Variants in DHX8 observed in about 807,000 individuals in gnomAD.
The protein encoded by DHX8 is DEAH-box helicase 8, also known as ATP-dependent RNA helicase DHX8.
DHX8 carries 67 observed loss-of-function variants against 140.7 expected under a neutral mutation model. The ratio of observed to expected loss-of-function variants is 0.48; its 90% CI spans 0.39 to 0.58. DHX8 has a LOEUF of 0.58. Ranked by LOEUF, DHX8 falls within the 20% of genes least tolerant of loss-of-function variation. The pLI, the probability that DHX8 is intolerant of heterozygous loss-of-function variation, is 0.00. For missense variants in DHX8, 887 were observed against 1,550.7 expected, an observed-to-expected ratio of 0.57 and a Z score of 7.19; for synonymous variants, 533 against 553.2, an observed-to-expected ratio of 0.96 and a Z score of 0.51.
Position 43,483,998 on chromosome 17 carries a change from C to T in DHX8, c.-40C>T, listed in dbSNP as rs1267141330. 1 of 1,611,188 alleles carries T rather than the reference C, an allele frequency of 6.2e-7. No individual in the cohort carries two copies. On this transcript the variant is annotated 5_prime_UTR_variant, in exon 1 of 23. Coordinates refer to ENST00000262415, the MANE Select transcript of DHX8 (RefSeq NM_004941.3). ...GGAACCCGGCCGGAGTAGCTCTGAG[C>T]GCCGGCTGTGAGGAAGGAGGTTCTG...
intron 16 of DHX8, among the ~76,000 whole-genome samples, chr17:43,511,147 T>C (rs771341986): frequency 2.6e-4 from 40 of 152,040 alleles, no homozygotes; most frequent in Admixed American, 4.6e-4. Context: ...CTGGCTGATA[T>C]GGTGAAACCC....
At position 43,507,005 on chromosome 17, in the gene DHX8, C is replaced by T. The variant is rs746967894; in HGVS notation, c.1731C>T (p.Ala577=). The T allele has an allele frequency of 2.2e-5, 35 of 1,577,214 alleles. No homozygotes were observed. The highest frequency in any genetic ancestry group is 2.3e-5 in the East Asian group (1 of 44,142). Residue 577 remains alanine (A), a splice_region_variant and synonymous_variant, in exon 13 of 23, where the codon GCC becomes GCT. Transcript: ENST00000262415. ...TATTTATATTCTGTTGCTTTCAGGC[C>T]GTCCATGACAATCAGATCCTGATTG... ...IYKLKEQLVQ[A]VHDNQILIVI... is the part of the protein sequence containing the mutation.
intron 3 of DHX8, among the ~76,000 whole-genome samples, chr17:43,541,490 CAG>C (rs1025512237): frequency 4.6e-5 from 7 of 151,198 alleles, no homozygotes; most frequent in African/African-American, 1.7e-4. Context: ...GCATAATGCC[CAG>C]AGAGAGAGAA....
At chr17:43,519,521 T>C (rs1043558124) in intron 18 of DHX8, 2 of 4,698 alleles carry the variant, frequency 4.3e-4, no homozygotes, top group South Asian at 0.028. Context: ...TAGGGTTTTT[T>C]GTTTTTTTTT....
At chr17:43,542,662 G>A (rs55814309) in intron 3 of DHX8, among the ~76,000 whole-genome samples, 5 of 151,946 alleles carry the variant, frequency 3.3e-5, no homozygotes, top group South Asian at 2.1e-4. Context: ...CCATAAAGCC[G>A]CACTCACACT....
At chr17:43,528,504 A>T (rs549401602), downstream of DHX8, 3 of 1,560,436 alleles carry the variant, frequency 1.9e-6, no homozygotes, top group South Asian at 3.4e-5. Context: ...CGGCAGGGGG[A>T]ACAGCCGCTG....
At chr17:43,535,521 C>A (rs1470412076) in intron 2 of DHX8, among the ~76,000 whole-genome samples, 1 of 152,152 alleles carries the variant, frequency 6.6e-6, no homozygotes, top group Non-Finnish European at 1.5e-5. Flanking sequence ...ATGTGATCCA[C>A]GCGCCTCAGC....
Position 43,502,928 on chromosome 17 carries a change from T to C in DHX8, c.1547-1716T>C, listed in dbSNP as rs148348541. 2.9e-3 allele frequency among the ~76,000 whole-genome samples: 438 copies of C among 152,312 alleles called. 3 individuals are homozygous for C. Among genetic ancestry groups the C allele is most frequent in the African/African-American group, 0.01 (420 of 41,564 alleles). ...TTTGGCCTCTGCCTAAGCTCACTTA[T>C]TTGGTTAGTAGGCATAAGTATTTTT... On this transcript the variant is annotated intron_variant, in intron 11 of 22. Transcript: ENST00000262415.
At chr17:43,530,964 G>C (rs1046427976), downstream of DHX8, among the ~76,000 whole-genome samples, 5 of 152,132 alleles carry the variant, frequency 3.3e-5, no homozygotes, top group African/African-American at 9.7e-5. Context: ...GCTGGGGGGA[G>C]GGGCAGGAGT....
chr17:43,490,754 G>T (rs185927529), intron 3 of DHX8, among the ~76,000 whole-genome samples: 63 of 152,250 alleles, frequency 4.1e-4, no homozygotes, highest in East Asian at 1.9e-4. Context: ...TGCCTCCGTA[G>T]TTCCAGCTAC....
At chr17:43,498,472 CAG>C (rs1414704594) in intron 9 of DHX8, among the ~76,000 whole-genome samples, 1 of 141,474 alleles carries the variant, frequency 7.1e-6, no homozygotes, top group Non-Finnish European at 1.5e-5. Context: ...TTTTTTAAGA[CAG>C]AGTCTCACTC....
In DHX8 at chr17:43,520,736, T is replaced by A. The variant is rs777706273; in HGVS notation, c.2938-15T>A. 43 of 1,613,846 alleles carry A rather than the reference T, an allele frequency of 2.7e-5. No individual in the cohort carries two copies. Among genetic ancestry groups the A allele is most frequent in the Non-Finnish European group, 3.6e-5 (43 of 1,179,952 alleles). On this transcript the variant is annotated splice_polypyrimidine_tract_variant and intron_variant, in intron 19 of 22. Coordinates refer to ENST00000262415, the MANE Select transcript of DHX8 (RefSeq NM_004941.3). ...TCCACAGGGAAGCAGTTGTAGTCTTTTTTTGTCCCTCTAGATGGCAGAGTT... is the reference window on the plus strand; with the variant it reads ...TCCACAGGGAAGCAGTTGTAGTCTTATTTTGTCCCTCTAGATGGCAGAGTT...
rs116909731 is a variant in DHX8, at chr17:43,500,641, C to T, written c.1546+538C>T. Among the ~76,000 whole-genome samples the T allele has an allele frequency of 0.011, 1,664 of 151,772 alleles. 78 individuals are homozygous for T. In the East Asian group the frequency reaches 0.16, roughly 14 times the overall value. On this transcript the variant is annotated intron_variant, in intron 11 of 22. Transcript: ENST00000262415. ...TCACTTTAAAAATGTTATTCTAGCG[C>T]GGTGTCTCATGCTGTAATCCCAGCA...
At chr17:43,488,291 AAAAAAG>A (rs1250539948) in intron 1 of DHX8, among the ~76,000 whole-genome samples, 143 of 89,294 alleles carry the variant, frequency 1.6e-3, no homozygotes, top group African/African-American at 5.0e-3. Flanking sequence ...AAAAAGAAAA[AAAAAAG>A]AAAAAAAGAA....
chr17:43,526,373 T>C, downstream of DHX8: 1 of 1,482,686 alleles, frequency 6.7e-7, no homozygotes, highest in Non-Finnish European at 9.0e-7. Context: ...GTGTGCTGTT[T>C]GTGTATATGG....
In DHX8 at chr17:43,540,274, G is replaced by A. The variant is rs574623560; in HGVS notation, c.*20+3776G>A. Among the ~76,000 whole-genome samples the A allele has an allele frequency of 2.6e-5, 4 of 152,222 alleles. No individual in the cohort carries two copies. The South Asian group carries it at 8.3e-4, about 32-fold the overall frequency. ...TCTACACCAGCCTGGCCAATGTGGC[G>A]AAACCCCATCTCTACTAAAAATACA... On this transcript the variant is annotated intron_variant, in intron 3 of 3. Transcript: ENST00000589898.
At chr17:43,507,764 C>T (rs747778043) in intron 14 of DHX8, 45 bp from the exon 15 acceptor site, 2 of 1,612,700 alleles carry the variant, frequency 1.2e-6, no homozygotes, top group Admixed American at 3.3e-5. Flanking sequence ...GTACCTGTGT[C>T]TTTGGGTAGT....
intron 11 of DHX8, among the ~76,000 whole-genome samples, chr17:43,504,094 T>A (rs967555455): frequency 1.3e-5 from 2 of 151,436 alleles, no homozygotes; most frequent in African/African-American, 4.9e-5. Flanking sequence ...TAAAATAAAA[T>A]AAAAAAAGTG....
chr17:43,493,565 G>A lies in DHX8; in HGVS notation c.984G>A (p.Gly328=), dbSNP rs1250104178. ...RVKVKVLSFT[G]TKTSLSMKDV... ...AAGTCAAAGTGCTGTCCTTCACTGG[G>A]ACCAAGACCAGCCTGAGCATGAAGG... The change falls in exon 7 of 23, where the codon GGG becomes GGA. Residue 328 remains glycine (G), a synonymous_variant. Transcript: ENST00000262415. 6.2e-7 allele frequency: 1 copy of A among 1,614,158 alleles called. No individual in the cohort carries two copies. The highest frequency in any genetic ancestry group is 1.3e-5 in the African/African-American group (1 of 75,028).
Sources: gnomAD v4.1 joint callset for allele counts (sites outside exome capture counted in the v4.1 genomes callset) on GRCh38, gnomAD v4.1.1 for gene constraint, MANE v1.5 for transcripts, NCBI Gene and HGNC (gene_info 2026-07-23, HGNC 2026-07-21) for gene names.